The following ACTN4 variants were observed in gnomAD, a reference collection of about 807,000 sequenced individuals.
ACTN4 encodes actinin alpha 4.
ACTN4 carries 18 observed loss-of-function variants against 114.2 expected under a neutral mutation model. That is an observed-to-expected ratio of 0.16 (90% CI 0.11 to 0.23). The LOEUF (loss-of-function observed/expected upper bound fraction) is 0.23, where lower values mean the gene tolerates loss of function less well. Ranked by LOEUF, ACTN4 falls within the 10% of genes least tolerant of loss-of-function variation. The pLI, the probability that ACTN4 is intolerant of heterozygous loss-of-function variation, is 1.00. For synonymous variants in ACTN4, 515 were observed against 506.3 expected (o/e 1.02, Z -0.23); for missense variants, 722 against 1,262.9 (o/e 0.57, Z 6.49).
chr19:38,710,195 G>A, intron 7 of ACTN4, 62 bp from the exon 8 acceptor site: 11 of 1,577,066 alleles, frequency 7.0e-6, no homozygotes, highest in Admixed American at 1.7e-5. Flanking sequence ...GTGGATCCCA[G>A]TGAGTGACGC....
At chr19:38,680,115 T>C (rs548975087) in intron 1 of ACTN4, among the ~76,000 whole-genome samples, 1 of 151,618 alleles carries the variant, frequency 6.6e-6, no homozygotes, top group Admixed American at 6.6e-5. Context: ...CTGATGCATC[T>C]CTCTCCCCTA....
chr19:38,728,520 G>T (rs561140608), intron 19 of ACTN4: 1 of 580,026 alleles, frequency 1.7e-6, no homozygotes, highest in Non-Finnish European at 2.8e-6. Context: ...CCCGAGCAGC[G>T]CAGCCGTGCC....
At chr19:38,712,819 C>T (rs1293910026) in intron 8 of ACTN4, among the ~76,000 whole-genome samples, 1 of 152,224 alleles carries the variant, frequency 6.6e-6, no homozygotes, top group African/African-American at 2.4e-5. Context: ...TTTCTACCCA[C>T]ACTGCTCCCC....
intron 1 of ACTN4, among the ~76,000 whole-genome samples, chr19:38,680,941 C>G (rs1967547440): frequency 6.6e-6 from 1 of 151,892 alleles, no homozygotes; most frequent in South Asian, 2.1e-4. Flanking sequence ...GCCTGGCCAA[C>G]ATGGTGAAAC....
chr19:38,731,167 G>T lies in ACTN4; in HGVS notation c.*1735G>T, dbSNP rs760050915. On this transcript the variant is annotated 3_prime_UTR_variant, in exon 21 of 21. Coordinates refer to ENST00000252699, the MANE Select transcript of ACTN4 (RefSeq NM_004924.6). ...AACCGCTCGAAGTCCACACGCAGAC[G>T]GCTATCCCGGTAGCGGCTGGTGAGG... The T allele has an allele frequency of 6.2e-7, 1 of 1,613,212 alleles. No individual in the cohort carries two copies. Among genetic ancestry groups the T allele is most frequent in the South Asian group, 1.1e-5 (1 of 91,060 alleles).
At chr19:38,725,332 A>G (rs1969195898) in intron 16 of ACTN4, among the ~76,000 whole-genome samples, 1 of 152,156 alleles carries the variant, frequency 6.6e-6, no homozygotes, top group South Asian at 2.1e-4. Context: ...GCCCGAGGTC[A>G]GGAGCTGCAG....
At chr19:38,678,803 G>T (rs765105676) in intron 1 of ACTN4, among the ~76,000 whole-genome samples, 1 of 152,172 alleles carries the variant, frequency 6.6e-6, no homozygotes, top group African/African-American at 2.4e-5. Context: ...CTGGGACCTC[G>T]CTCTGTTCGG....
At chr19:38,685,895 C>A (rs1301240385) in intron 1 of ACTN4, among the ~76,000 whole-genome samples, 1 of 152,150 alleles carries the variant, frequency 6.6e-6, no homozygotes, top group Non-Finnish European at 1.5e-5. Flanking sequence ...AAAACCCTTA[C>A]CACGATTAAA....
rs1969608427 is a variant in ACTN4, at chr19:38,731,495, ACT to A, written c.*2064_*2065del. Reference sequence around the variant, plus strand: ...CTGACACGTGACTCGATGTGTGGGTACTGTTACTCCTTAAATCCTGTGGGGCT... The same window carrying A: ...CTGACACGTGACTCGATGTGTGGGTAGTTACTCCTTAAATCCTGTGGGGCT... On this transcript the variant is annotated 3_prime_UTR_variant, in exon 21 of 21. Transcript: ENST00000252699. The A allele has an allele frequency of 3.9e-6, 2 of 516,562 alleles. No homozygotes were observed. Among genetic ancestry groups the A allele is most frequent in the Non-Finnish European group, 7.1e-6 (2 of 283,282 alleles). 32.0% of individuals were successfully genotyped at this position (516,562 alleles called of 1,614,324 possible).
intron 4 of ACTN4, 78 bp from the exon 5 acceptor site, chr19:38,705,966 G>A (rs915114532): frequency 3.6e-5 from 54 of 1,494,340 alleles, no homozygotes; most frequent in Non-Finnish European, 4.7e-5. Flanking sequence ...GGCCTGAGCC[G>A]AAAGTCCCAT....
intron 1 of ACTN4, among the ~76,000 whole-genome samples, chr19:38,659,763 C>A (rs80033463): frequency 0.04 from 6,121 of 152,242 alleles, 176 homozygotes; most frequent in Non-Finnish European, 0.058. Context: ...AAACATGAGA[C>A]TTCTGAGCAG....
chr19:38,716,218 G>A (rs1245889994), intron 9 of ACTN4, among the ~76,000 whole-genome samples: 1 of 152,164 alleles, frequency 6.6e-6, no homozygotes, highest in Non-Finnish European at 1.5e-5. Context: ...AATTGTTTTA[G>A]AATGTCCAAC....
rs766781153 is a variant in ACTN4 at position 38,723,604 on chromosome 19, C to T, written c.1443-10C>T. ...TTGCCGAGTCTCATTGCTCTCTGCC[C>T]GGCCCGCAGCGAGCTGGATTACTAC... On this transcript the variant is annotated splice_polypyrimidine_tract_variant and intron_variant, in intron 12 of 20. Coordinates refer to ENST00000252699, the MANE Select transcript of ACTN4 (RefSeq NM_004924.6). 104 of 1,597,914 alleles carry T rather than the reference C, an allele frequency of 6.5e-5. No individual in the cohort carries two copies. The highest frequency in any genetic ancestry group is 3.3e-4 in the Middle Eastern group (2 of 6,038).
intron 1 of ACTN4, among the ~76,000 whole-genome samples, chr19:38,661,359 G>A (rs558101777): frequency 3.3e-5 from 5 of 152,270 alleles, no homozygotes; most frequent in African/African-American, 4.8e-5. Flanking sequence ...TTCGGCAGTC[G>A]GCACGTGTAT....
At chr19:38,694,591 G>A (rs1399983952) in intron 1 of ACTN4, among the ~76,000 whole-genome samples, 2 of 151,940 alleles carry the variant, frequency 1.3e-5, no homozygotes, top group East Asian at 1.9e-4. Flanking sequence ...TGACTCTGCT[G>A]TCTCTCCCTC....
intron 1 of ACTN4, among the ~76,000 whole-genome samples, chr19:38,682,840 C>G (rs979439632): frequency 2.0e-5 from 3 of 152,212 alleles, no homozygotes; most frequent in Admixed American, 2.0e-4. Flanking sequence ...CTGGTTGGCT[C>G]TTTCTACTTA....
chr19:38,647,960 G>T, intron 1 of ACTN4, 53 bp downstream of exon 1: 1 of 1,408,518 alleles, frequency 7.1e-7, no homozygotes, highest in Non-Finnish European at 9.3e-7. Context: ...AGGGGGCCCG[G>T]GGAGGGGTGG....
Position 38,693,878 on chromosome 19 carries a change from G to C in ACTN4, c.163-6722G>C, listed in dbSNP as rs148253963. 2.5e-3 allele frequency among the ~76,000 whole-genome samples: 385 copies of C among 152,310 alleles called. 1 individual carries two copies. The highest frequency in any genetic ancestry group is 8.9e-3 in the African/African-American group (369 of 41,566). On this transcript the variant is annotated intron_variant, in intron 1 of 20. Transcript: ENST00000252699. The stretch of plus-strand genomic sequence containing the variant: ...TCACCATGGGCCTTGGCACACGGAG[G>C]GGTGACAGTGGATCCCAACTCAACT...
In ACTN4 at chr19:38,730,767, G is replaced by C. The variant is rs542516997; in HGVS notation, c.*1335G>C. The C allele has an allele frequency of 6.7e-5, 100 of 1,482,592 alleles. 1 individual carries two copies. The South Asian group carries it at 1.2e-3, about 18-fold the overall frequency. The allele number at this position is 1,482,592 out of a possible 1,614,324, so 91.8% of individuals were successfully genotyped here. A position where few individuals can be genotyped will look rare whatever the true frequency, so the allele number is the denominator to read the frequency against. ...CCCAGACAGGTGGATGCCAGAGAGAGTGGCACCCATGCCAGGCAAGGCCTA... is the reference window on the plus strand; with the variant it reads ...CCCAGACAGGTGGATGCCAGAGAGACTGGCACCCATGCCAGGCAAGGCCTA... On this transcript the variant is annotated 3_prime_UTR_variant, in exon 21 of 21. Coordinates refer to ENST00000252699, the MANE Select transcript of ACTN4 (RefSeq NM_004924.6).
Sources: allele counts gnomAD v4.1 joint callset (sites outside exome capture counted in the v4.1 genomes callset), GRCh38; gene constraint gnomAD v4.1.1; transcripts MANE v1.5; gene names NCBI Gene and HGNC (gene_info 2026-07-23, HGNC 2026-07-21).